ENTPD1: variants seen among roughly 807,000 people sequenced by gnomAD.
The protein encoded by ENTPD1 is ATP diphosphohydrolase.
A neutral mutation model predicts 57.0 loss-of-function variants in ENTPD1; 33 were observed. The observed-to-expected ratio is 0.58, with a 90% CI of 0.44 to 0.77. The LOEUF is 0.77. ENTPD1 is among the 30% of genes least tolerant of loss of function. The pLI, the probability that ENTPD1 is intolerant of heterozygous loss-of-function variation, is 0.00. For missense variants in ENTPD1, 501 were observed against 603.4 expected (o/e 0.83, Z 1.78); for synonymous variants, 202 against 218.8 (o/e 0.92, Z 0.68).
intron 8 of ENTPD1, among the ~76,000 whole-genome samples, chr10:95,861,840 A>C (rs914466764): frequency 6.6e-6 from 1 of 151,818 alleles, no homozygotes; most frequent in African/African-American, 2.4e-5. Context: ...TAAAAATACA[A>C]AAAAAATTAG....
intron 2 of ENTPD1, among the ~76,000 whole-genome samples, chr10:95,827,035 G>T (rs2098379679): frequency 6.6e-6 from 1 of 152,128 alleles, no homozygotes; most frequent in Admixed American, 6.5e-5. Flanking sequence ...TATAAAACAA[G>T]CCAAATTTTA....
chr10:95,871,759 T>G lies in ENTPD1; in HGVS notation c.*5376T>G. Reference sequence around the variant, plus strand: ...ATGATCACCCTCATCAGCACTAGAGTTGACTTGTTTTTATAACCCCTTTGC... The same window carrying G: ...ATGATCACCCTCATCAGCACTAGAGGTGACTTGTTTTTATAACCCCTTTGC... On this transcript the variant is annotated 3_prime_UTR_variant, in exon 10 of 10. Coordinates refer to ENST00000371205, the MANE Select transcript of ENTPD1 (RefSeq NM_001776.6). 1.0e-6 allele frequency: 1 copy of G among 985,332 alleles called. No individual in the cohort carries two copies. The highest frequency in any genetic ancestry group is 1.1e-4 in the East Asian group (1 of 8,810). 61.0% of individuals were successfully genotyped at this position (985,332 alleles called of 1,614,324 possible).
At position 95,871,785 on chromosome 10, in the gene ENTPD1, AT is replaced by A; in HGVS notation, c.*5403del. The A allele has an allele frequency of 1.0e-6, 1 of 985,434 alleles. No homozygotes were observed. Among genetic ancestry groups the A allele is most frequent in the Non-Finnish European group, 1.2e-6 (1 of 829,920 alleles). 61.0% of individuals were successfully genotyped at this position (985,434 alleles called of 1,614,324 possible). A position where few individuals can be genotyped will look rare whatever the true frequency, so the allele number is the denominator to read the frequency against. On this transcript the variant is annotated 3_prime_UTR_variant, in exon 10 of 10. Transcript: ENST00000371205. ...TGACTTGTTTTTATAACCCCTTTGC[AT>A]GTATGTTGAATAGCAAAGTTCATCA...
At chr10:95,759,302 T>C (rs1005672759) in intron 1 of ENTPD1, among the ~76,000 whole-genome samples, 2 of 152,168 alleles carry the variant, frequency 1.3e-5, no homozygotes, top group Non-Finnish European at 2.9e-5. Flanking sequence ...GTGGATGATT[T>C]TCAGAGCTAA....
At chr10:95,743,561 G>A (rs1238477024) in intron 1 of ENTPD1, among the ~76,000 whole-genome samples, 1 of 151,888 alleles carries the variant, frequency 6.6e-6, no homozygotes, top group Non-Finnish European at 1.5e-5. Context: ...TCTCCCATTT[G>A]TTTATTTAAT....
Position 95,842,417 on chromosome 10 carries a change from T to C in ENTPD1, c.336T>C (p.Ala112=), listed in dbSNP as rs767437912. ...GIYLTDCMER[A]REVIPRSQHQ... ...ACCTGACTGATTGCATGGAAAGAGC[T>C]AGGGAAGTGATTCCAAGGTCCCAGC... Residue 112 remains alanine (A), a synonymous_variant, in exon 4 of 10, where the codon GCT becomes GCC. Transcript: ENST00000371205. 1.2e-6 allele frequency: 2 copies of C among 1,614,156 alleles called. No homozygotes were observed. The highest frequency in any genetic ancestry group is 2.2e-5 in the South Asian group (2 of 91,078).
intron 8 of ENTPD1, chr10:95,861,631 C>T (rs1256847375): frequency 2.0e-5 from 3 of 152,084 alleles, no homozygotes; most frequent in Non-Finnish European, 4.4e-5. Context: ...CAGCATTTTA[C>T]AAAATGCTTA....
intron 1 of ENTPD1, among the ~76,000 whole-genome samples, chr10:95,749,466 A>G (rs75973439): frequency 0.12 from 18,748 of 152,206 alleles, 1,237 homozygotes; most frequent in Middle Eastern, 0.2. Flanking sequence ...AACCCTAGTA[A>G]TTTTAGATAG....
chr10:95,855,339 C>T (rs144991674), intron 7 of ENTPD1, among the ~76,000 whole-genome samples: 5,695 of 151,590 alleles, frequency 0.038, 132 homozygotes, highest in Non-Finnish European at 0.049. Context: ...TCTCTGCACA[C>T]GAGATGGGTT....
intron 1 of ENTPD1, among the ~76,000 whole-genome samples, chr10:95,766,769 G>T (rs1712102685): frequency 6.6e-6 from 1 of 150,412 alleles, no homozygotes; most frequent in African/African-American, 2.4e-5. Flanking sequence ...AGTGTTTAAT[G>T]TTTTTTTCTG....
At chr10:95,805,036 G>A (rs183762376) in intron 1 of ENTPD1, among the ~76,000 whole-genome samples, 1 of 152,200 alleles carries the variant, frequency 6.6e-6, no homozygotes, top group Admixed American at 6.5e-5. Flanking sequence ...TCAAGTCCTG[G>A]ATATCCTTGT....
intron 1 of ENTPD1, among the ~76,000 whole-genome samples, chr10:95,796,937 TGGTG>T (rs2098228700): frequency 6.6e-6 from 1 of 151,872 alleles, no homozygotes; most frequent in Admixed American, 6.6e-5. Context: ...CCAGGTGCGG[TGGTG>T]CACGCCCGTA....
At chr10:95,855,858 C>T (rs1407329688) in intron 7 of ENTPD1, among the ~76,000 whole-genome samples, 1 of 152,210 alleles carries the variant, frequency 6.6e-6, no homozygotes, top group Non-Finnish European at 1.5e-5. Context: ...TTCTCTCTGG[C>T]TGCCCTTAAC....
At chr10:95,858,112 G>A (rs1192197655) in intron 7 of ENTPD1, among the ~76,000 whole-genome samples, 3 of 150,518 alleles carry the variant, frequency 2.0e-5, no homozygotes, top group Admixed American at 6.6e-5. Context: ...AGCCGAGATC[G>A]CGCCACTGCA....
chr10:95,849,537 G>A (rs550042057), intron 7 of ENTPD1, among the ~76,000 whole-genome samples: 16 of 152,264 alleles, frequency 1.1e-4, no homozygotes, highest in African/African-American at 3.9e-4. Context: ...AGGCACTGTC[G>A]TAATCAGATC....
In ENTPD1 at chr10:95,866,988, A is replaced by AC; in HGVS notation, c.*608dup. The AC allele has an allele frequency of 1.0e-6, 1 of 993,284 alleles. No individual in the cohort carries two copies. The highest frequency in any genetic ancestry group is 1.2e-6 in the Non-Finnish European group (1 of 834,182). The allele number at this position is 993,284 out of a possible 1,614,324, so 61.5% of individuals were successfully genotyped here. Reference sequence around the variant, plus strand: ...TGCAGTCAATACAGTTCTCAATCCCACCCAAAGCAGGTATGTCAATAAATC... The same window carrying AC: ...TGCAGTCAATACAGTTCTCAATCCCACCCCAAAGCAGGTATGTCAATAAATC... On this transcript the variant is annotated 3_prime_UTR_variant, in exon 10 of 10. Transcript: ENST00000371205.
chr10:95,778,732 A>C (rs116347613), intron 1 of ENTPD1, among the ~76,000 whole-genome samples: 2 of 152,046 alleles, frequency 1.3e-5, no homozygotes, highest in African/African-American at 4.8e-5. Context: ...CATGGATGCA[A>C]TATTTTCTCC....
chr10:95,767,938 A>G (rs983375008), intron 1 of ENTPD1, among the ~76,000 whole-genome samples: 1 of 152,210 alleles, frequency 6.6e-6, no homozygotes, highest in Non-Finnish European at 1.5e-5. Context: ...GAATGGATCA[A>G]TGCCAATAAT....
At chr10:95,854,572 T>G (rs564260112) in intron 7 of ENTPD1, among the ~76,000 whole-genome samples, 1 of 152,334 alleles carries the variant, frequency 6.6e-6, no homozygotes, top group East Asian at 1.9e-4. Flanking sequence ...GGGCATTTAG[T>G]GCCATAAATT....
Sources: gnomAD v4.1 joint callset for allele counts (sites outside exome capture counted in the v4.1 genomes callset) on GRCh38, gnomAD v4.1.1 for gene constraint, MANE v1.5 for transcripts, NCBI Gene and HGNC (gene_info 2026-07-23, HGNC 2026-07-21) for gene names.